Variants in JAK1 observed in about 807,000 individuals in gnomAD.
JAK1 encodes tyrosine-protein kinase JAK1.
JAK1 carries 16 observed loss-of-function variants against 136.6 expected under a neutral mutation model. That is an observed-to-expected ratio of 0.12 (90% CI 0.08 to 0.18). JAK1 has a LOEUF of 0.18. Ranked by LOEUF, JAK1 falls within the 10% of genes least tolerant of loss-of-function variation. The pLI is 1.00. For missense variants in JAK1, 859 were observed against 1,450.1 expected (o/e 0.59, Z 6.62); for synonymous variants, 492 against 519.5 (o/e 0.95, Z 0.72).
intron 1 of JAK1, among the ~76,000 whole-genome samples, chr1:64,901,782 C>A (rs1645109059): frequency 6.6e-6 from 1 of 152,124 alleles, no homozygotes; most frequent in Non-Finnish European, 1.5e-5. Flanking sequence ...AAAAGAAACC[C>A]CATGTCACTC....
chr1:65,026,421 C>T (rs1294824993), intron 2 of JAK1, among the ~76,000 whole-genome samples: 1 of 152,076 alleles, frequency 6.6e-6, no homozygotes, highest in Non-Finnish European at 1.5e-5. Context: ...CCCTGGAGAC[C>T]TCAGAATCCC....
At chr1:64,954,642 T>A (rs1047001887) in intron 1 of JAK1, among the ~76,000 whole-genome samples, 3 of 152,240 alleles carry the variant, frequency 2.0e-5, no homozygotes, top group African/African-American at 7.2e-5. Context: ...ATTTATTATT[T>A]ATATTTCTAT....
At chr1:64,906,010 A>C (rs1645184912) in intron 1 of JAK1, among the ~76,000 whole-genome samples, 1 of 152,142 alleles carries the variant, frequency 6.6e-6, no homozygotes, top group Non-Finnish European at 1.5e-5. Flanking sequence ...ACAATGTCCA[A>C]ATTTCTATCT....
At chr1:65,016,636 C>T (rs1336057232) in intron 2 of JAK1, among the ~76,000 whole-genome samples, 11 of 151,986 alleles carry the variant, frequency 7.2e-5, no homozygotes, top group Admixed American at 3.9e-4. Context: ...CAGTGGCTCA[C>T]GCCTGTAATC....
intron 1 of JAK1, among the ~76,000 whole-genome samples, chr1:64,965,587 G>C (rs967735136): frequency 5.3e-5 from 8 of 152,162 alleles, no homozygotes; most frequent in African/African-American, 1.2e-4. Context: ...GATGGAGTTG[G>C]AGTGAGGGAG....
At chr1:64,902,136 G>A (rs1405808154) in intron 1 of JAK1, among the ~76,000 whole-genome samples, 5 of 152,214 alleles carry the variant, frequency 3.3e-5, no homozygotes, top group Non-Finnish European at 5.9e-5. Context: ...GAGGTCAATG[G>A]AGTCTTCACT....
At chr1:64,894,270 C>T (rs558674430) in intron 1 of JAK1, among the ~76,000 whole-genome samples, 1 of 152,186 alleles carries the variant, frequency 6.6e-6, no homozygotes, top group African/African-American at 2.4e-5. Context: ...GAGGAGGAAT[C>T]GAAGAGGTTG....
At chr1:65,029,899 A>T (rs1427641492) in intron 2 of JAK1, among the ~76,000 whole-genome samples, 1 of 152,096 alleles carries the variant, frequency 6.6e-6, no homozygotes, top group Non-Finnish European at 1.5e-5. Context: ...ACCCCACAAC[A>T]CAAGTTTACC....
intron 2 of JAK1, among the ~76,000 whole-genome samples, chr1:65,027,921 A>G (rs1646991642): frequency 6.6e-6 from 1 of 152,174 alleles, no homozygotes; most frequent in Non-Finnish European, 1.5e-5. Context: ...TCTTTCTGGA[A>G]GGGAAGTCTG....
Position 64,864,913 on chromosome 1 carries a change from G to C in JAK1, c.1050C>G (p.His350Gln), listed in dbSNP as rs369910049. The change falls in exon 8 of 25, where the codon CAC becomes CAG. Residue 350 changes from histidine (H) to glutamine (Q), a missense_variant. Around this residue, in one of 4 missense-constraint regions of JAK1, gnomAD observed 353 missense variants for 494.0 expected, o/e 0.71. Coordinates refer to ENST00000342505, the MANE Select transcript of JAK1 (RefSeq NM_002227.4). ...KLKRKKLENK[H>Q]KKDEEKNKIR... The stretch of plus-strand genomic sequence containing the variant: ...TCTTGTTTTTCTCCTCATCCTTCTT[G>C]TGTTTATTTTCCAGTTTTTTCCGCT... 3.1e-6 allele frequency: 5 copies of C among 1,613,714 alleles called. No homozygotes were observed. The highest frequency in any genetic ancestry group is 4.2e-6 in the Non-Finnish European group (5 of 1,179,788).
chr1:64,986,053 T>C (rs1646595981), intron 2 of JAK1: 1 of 1,288,098 alleles, frequency 7.8e-7, no homozygotes. Flanking sequence ...GCAATTGTGA[T>C]GGCGAAGATC....
At chr1:65,056,092 A>C (rs1433970536) in intron 1 of JAK1, among the ~76,000 whole-genome samples, 1 of 152,198 alleles carries the variant, frequency 6.6e-6, no homozygotes, top group African/African-American at 2.4e-5. Flanking sequence ...TTACTTGAGG[A>C]TTCACCAATC....
At chr1:65,013,410 A>G (rs997336197) in intron 2 of JAK1, among the ~76,000 whole-genome samples, 2 of 151,926 alleles carry the variant, frequency 1.3e-5, no homozygotes, top group African/African-American at 4.8e-5. Context: ...AAAAAAAACA[A>G]AAAAAACAAA....
At chr1:64,878,952 C>G (rs149239195) in intron 4 of JAK1, 73 bp downstream of exon 4, 2 of 1,454,352 alleles carry the variant, frequency 1.4e-6, no homozygotes, top group African/African-American at 2.8e-5. Flanking sequence ...GTAAGTGACT[C>G]AGGGCTCCAG....
At chr1:64,878,840 T>C (rs1349146067) in intron 4 of JAK1, among the ~76,000 whole-genome samples, 185 bp downstream of exon 4, 1 of 152,122 alleles carries the variant, frequency 6.6e-6, no homozygotes, top group Non-Finnish European at 1.5e-5. Flanking sequence ...AGGAAGGTGA[T>C]CAAACTCATC....
At chr1:64,836,257 C>T (rs377101117) in intron 22 of JAK1, 42 bp from the exon 23 acceptor site, 81 of 1,116,334 alleles carry the variant, frequency 7.3e-5, no homozygotes, top group Non-Finnish European at 1.0e-4. Flanking sequence ...TCCTGGGAGG[C>T]ACACTCCATC....
chr1:64,935,899 T>C (rs1332527224), intron 1 of JAK1, among the ~76,000 whole-genome samples: 1 of 152,188 alleles, frequency 6.6e-6, no homozygotes, highest in Admixed American at 6.5e-5. Context: ...GAGGGCGAAC[T>C]GACAGGATCC....
chr1:65,001,436 C>G (rs1277845504), intron 2 of JAK1, among the ~76,000 whole-genome samples: 1 of 152,164 alleles, frequency 6.6e-6, no homozygotes, highest in Non-Finnish European at 1.5e-5. Flanking sequence ...TTCCTCTGCT[C>G]GCCTTCCCGG....
chr1:64,850,876 G>A lies in JAK1; in HGVS notation c.1683C>T (p.Ala561=). ...ISNLLVATKK[A]QEWQPVYPMS... ...TGGGGTAGACGGGCTGCCACTCCTG[G>A]GCTTTCTTAGTAGCCACCAGCAGGT... Residue 561 remains alanine, a synonymous_variant, in exon 12 of 25, where the codon GCC becomes GCT. Transcript: ENST00000342505. 1 of 1,614,010 alleles carries A rather than the reference G, an allele frequency of 6.2e-7. No homozygotes were observed. The highest frequency in any genetic ancestry group is 1.6e-4 in the Middle Eastern group (1 of 6,062).
Sources: allele counts gnomAD v4.1 joint callset (sites outside exome capture counted in the v4.1 genomes callset), GRCh38; gene constraint gnomAD v4.1.1; regional missense constraint gnomAD v4.1.1; transcripts MANE v1.5; gene names NCBI Gene and HGNC (gene_info 2026-07-23, HGNC 2026-07-21).